The following SEMA3A variants were observed in gnomAD, a reference collection of about 807,000 sequenced individuals.
SEMA3A encodes semaphorin 3A.
In SEMA3A, 29 loss-of-function variants were observed where a neutral mutation model predicts 97.9. The observed-to-expected ratio is 0.30, with a 90% CI of 0.22 to 0.40. The LOEUF (loss-of-function observed/expected upper bound fraction) is 0.40, where lower values mean the gene tolerates loss of function less well. Among genes scored for constraint, SEMA3A ranks in the 10% least tolerant of loss-of-function variants. The probability of loss-of-function intolerance (pLI) is 1.00; values close to 1 mark genes in which losing one functional copy is unlikely to be tolerated. For synonymous variants in SEMA3A, 321 were observed against 323.7 expected, an observed-to-expected ratio of 0.99 and a Z score of 0.09; for missense variants, 763 against 951.3, an observed-to-expected ratio of 0.80 and a Z score of 2.60.
At chr7:84,152,209 A>T (rs200523163) in intron 1 of SEMA3A, among the ~76,000 whole-genome samples, 124 of 151,370 alleles carry the variant, frequency 8.2e-4, no homozygotes, top group East Asian at 5.4e-3. Context: ...CCCAAAGGAC[A>T]ATAAATCATG....
chr7:84,438,360 T>C (rs2116334406), intron 1 of SEMA3A, among the ~76,000 whole-genome samples: 1 of 152,208 alleles, frequency 6.6e-6, no homozygotes, highest in East Asian at 1.9e-4. Flanking sequence ...CCTCCATCAA[T>C]TCAGTTAACT....
chr7:84,299,334 A>ATG (rs1562892034), intron 3 of SEMA3A, among the ~76,000 whole-genome samples: 4 of 124,602 alleles, frequency 3.2e-5, no homozygotes, highest in Non-Finnish European at 5.3e-5. Context: ...CTCCATATAT[A>ATG]TGTATCTCTC....
chr7:84,124,484 C>G (rs1795730071), intron 3 of SEMA3A, among the ~76,000 whole-genome samples: 1 of 152,120 alleles, frequency 6.6e-6, no homozygotes, highest in Admixed American at 6.6e-5. Context: ...CAGTATTACC[C>G]GAGCCCTTTG....
intron 1 of SEMA3A, among the ~76,000 whole-genome samples, chr7:84,141,349 C>T (rs960410528): frequency 1.3e-5 from 2 of 152,122 alleles, no homozygotes; most frequent in Non-Finnish European, 2.9e-5. Flanking sequence ...CCACCTTTTC[C>T]TAGGACATGT....
intron 3 of SEMA3A, among the ~76,000 whole-genome samples, chr7:84,249,931 GTT>G (rs58783916): frequency 2.0e-4 from 29 of 144,424 alleles, no homozygotes; most frequent in Admixed American, 1.2e-3. Context: ...GTTGCATCCT[GTT>G]TTTTTTTTTT....
chr7:84,251,488 G>A (rs1584169576), intron 3 of SEMA3A, among the ~76,000 whole-genome samples: 2 of 152,142 alleles, frequency 1.3e-5, no homozygotes, highest in African/African-American at 4.8e-5. Context: ...TCTTAAGTGA[G>A]GACATCCATG....
At chr7:84,112,127 T>A (rs1795291285) in intron 3 of SEMA3A, among the ~76,000 whole-genome samples, 1 of 152,284 alleles carries the variant, frequency 6.6e-6, no homozygotes, top group East Asian at 1.9e-4. Flanking sequence ...TTAAAAAAAA[T>A]TCAGTCATTT....
At chr7:84,365,480 C>T (rs1288442998) in intron 2 of SEMA3A, among the ~76,000 whole-genome samples, 1 of 135,920 alleles carries the variant, frequency 7.4e-6, no homozygotes, top group African/African-American at 2.9e-5. Context: ...GATTCAAACC[C>T]TCATCTCTCT....
intron 1 of SEMA3A, among the ~76,000 whole-genome samples, chr7:84,456,953 G>A (rs866908296): frequency 2.6e-5 from 4 of 151,630 alleles, no homozygotes; most frequent in African/African-American, 7.3e-5. Flanking sequence ...GCTAATAAGC[G>A]ATAAAGCCAG....
At chr7:84,196,399 C>T (rs140999742), upstream of SEMA3A, among the ~76,000 whole-genome samples, 283 of 151,610 alleles carry the variant, frequency 1.9e-3, 3 homozygotes, top group African/African-American at 5.9e-3. Context: ...CCCTCTCTGC[C>T]GTTGGATGTG....
At chr7:84,215,945 A>G (rs1334383821) in intron 3 of SEMA3A, among the ~76,000 whole-genome samples, 1 of 152,122 alleles carries the variant, frequency 6.6e-6, no homozygotes, top group Non-Finnish European at 1.5e-5. Context: ...ACACACACAT[A>G]ATTACCTCAA....
chr7:84,099,422 C>G (rs1346565976), intron 4 of SEMA3A, among the ~76,000 whole-genome samples: 1 of 151,970 alleles, frequency 6.6e-6, no homozygotes, highest in African/African-American at 2.4e-5. Context: ...CATATACATT[C>G]CCCAAAATAG....
At position 84,110,464 on chromosome 7, in the gene SEMA3A, C is replaced by A. The variant is rs755552355; in HGVS notation, c.453+6G>T. The A allele has an allele frequency of 3.1e-6, 5 of 1,613,182 alleles. No homozygotes were observed. The highest frequency in any genetic ancestry group is 1.3e-5 in the African/African-American group (1 of 74,850). On this transcript the variant is annotated splice_donor_region_variant and intron_variant, in intron 4 of 16. Transcript: ENST00000265362. ...ACAAATATAATTTTTAAAAAGCCAG[C>A]GTTACCTCAGGATGATGTCCAATTT...
chr7:83,965,654 ATATATATATATATTTTTTTTTTTTTTTT>A (rs1346392227), intron 15 of SEMA3A, among the ~76,000 whole-genome samples: 1 of 11,320 alleles, frequency 8.8e-5, no homozygotes, highest in African/African-American at 3.0e-4. Flanking sequence ...ATATATATAT[ATATATATATATATTTTTTTTTTTTTTTT>A]TTTTTTTTTT....
chr7:84,399,055 G>C (rs1803824388), intron 1 of SEMA3A, among the ~76,000 whole-genome samples: 1 of 152,088 alleles, frequency 6.6e-6, no homozygotes, highest in Non-Finnish European at 1.5e-5. Flanking sequence ...GAACAGTCTT[G>C]AACAGCCTAT....
At chr7:84,412,285 C>T (rs770796896) in intron 1 of SEMA3A, among the ~76,000 whole-genome samples, 6 of 152,170 alleles carry the variant, frequency 3.9e-5, no homozygotes, top group Non-Finnish European at 7.3e-5. Context: ...ACAGCACATT[C>T]TTCTCCATTC....
At chr7:84,331,207 C>CA (rs1286268591) in intron 2 of SEMA3A, among the ~76,000 whole-genome samples, 3 of 151,924 alleles carry the variant, frequency 2.0e-5, no homozygotes, top group African/African-American at 4.8e-5. Flanking sequence ...TTTAGGGTAT[C>CA]AAAAAAACAG....
chr7:84,095,900 C>T (rs1794758195), intron 4 of SEMA3A, among the ~76,000 whole-genome samples: 2 of 120,516 alleles, frequency 1.7e-5, no homozygotes, highest in South Asian at 4.8e-4. Flanking sequence ...TTTGATGAGG[C>T]AGTTGATTCA....
intron 14 of SEMA3A, among the ~76,000 whole-genome samples, chr7:83,979,156 C>T: frequency 7.2e-6 from 1 of 138,784 alleles, no homozygotes; most frequent in African/African-American, 2.7e-5. Context: ...TTTTTCGAGA[C>T]AGAGTCTTGC....
Sources: allele counts gnomAD v4.1 joint callset (sites outside exome capture counted in the v4.1 genomes callset), GRCh38; gene constraint gnomAD v4.1.1; transcripts MANE v1.5; gene names NCBI Gene and HGNC (gene_info 2026-07-23, HGNC 2026-07-21).